FAT3: variants seen among roughly 807,000 people sequenced by gnomAD.
The protein encoded by FAT3 is FAT atypical cadherin 3.
FAT3 carries 95 observed loss-of-function variants against 310.2 expected under a neutral mutation model. That is an observed-to-expected ratio of 0.31 (90% CI 0.26 to 0.36). FAT3 has a LOEUF of 0.36. Ranked by LOEUF, FAT3 falls within the 10% of genes least tolerant of loss-of-function variation. The probability of loss-of-function intolerance (pLI) is 1.00; values close to 1 mark genes in which losing one functional copy is unlikely to be tolerated. For missense variants in FAT3, 5,408 were observed against 5,715.6 expected, an observed-to-expected ratio of 0.95 and a Z score of 1.74; for synonymous variants, 2,314 against 2,192.9, an observed-to-expected ratio of 1.06 and a Z score of -1.54.
At chr11:92,415,678 A>C (rs1288444831) in intron 2 of FAT3, among the ~76,000 whole-genome samples, 1 of 152,030 alleles carries the variant, frequency 6.6e-6, no homozygotes, top group African/African-American at 2.4e-5. Flanking sequence ...AGATGGTTCA[A>C]AGCATCTGAC....
chr11:92,859,300 C>A lies in FAT3; in HGVS notation c.11636C>A (p.Ala3879Glu), dbSNP rs1949063679. Residue 3879 changes from alanine (A) to glutamate (E), a missense_variant, in exon 21 of 28, where the codon GCA becomes GAA. Transcript: ENST00000525166. ...QSNGIIMYTR[A>E]NPCIILKIVD... ...AATGGGATTATAATGTACACCAGAG[C>A]AAATCCCTGCATAATTCTGAAGGTA... 1.2e-6 allele frequency: 2 copies of A among 1,606,930 alleles called. No individual in the cohort carries two copies. The highest frequency in any genetic ancestry group is 1.1e-5 in the South Asian group (1 of 89,968).
In FAT3 at chr11:92,353,376, A is replaced by G. The variant is rs1341842645; in HGVS notation, c.1264A>G (p.Ile422Val). 1.9e-6 allele frequency: 3 copies of G among 1,613,380 alleles called. No individual in the cohort carries two copies. The African/African-American group carries it at 4.0e-5, about 22-fold the overall frequency. ...TGGTGAGGATGCAGTGTACTTTAAA[A>G]TTAATCCTCGGTCGGGTCTGATTGT... Reference protein sequence around the residue: ...SPGEDAVYFKINPRSGLIVTA... With the variant: ...SPGEDAVYFKVNPRSGLIVTA... Residue 422 changes from isoleucine (I) to valine (V), a missense_variant, in exon 2 of 28, where the codon ATT (isoleucine) becomes GTT (valine). Physicochemically the swap from Ile to Val is conservative, Grantham distance 29 (BLOSUM62 3). Around this residue, in one of 5 missense-constraint regions of FAT3, gnomAD observed 4,588 missense variants for 4,809.8 expected, o/e 0.95. Coordinates refer to ENST00000525166, the MANE Select transcript of FAT3 (RefSeq NM_001367949.2).
chr11:92,651,841 T>C (rs1942390648), intron 3 of FAT3, among the ~76,000 whole-genome samples: 1 of 152,180 alleles, frequency 6.6e-6, no homozygotes, highest in African/African-American at 2.4e-5. Context: ...ATTCCCCAGC[T>C]CTTGAACTTC....
intron 9 of FAT3, among the ~76,000 whole-genome samples, chr11:92,796,255 T>TA (rs2136172440): frequency 6.6e-6 from 1 of 152,348 alleles, no homozygotes; most frequent in East Asian, 1.9e-4. Flanking sequence ...TTGAACTTTT[T>TA]ATTATTGTCA....
rs758587642 is a variant in FAT3, at chr11:92,412,702, G to GATATATATAT, written c.3292+57332_3292+57341dup. Among the ~76,000 whole-genome samples the GATATATATAT allele has an allele frequency of 7.3e-3, 98 of 13,382 alleles. 1 individual carries two copies. Among genetic ancestry groups the GATATATATAT allele is most frequent in the South Asian group, 0.013 (2 of 150 alleles). The allele number at this position is 13,382 out of a possible 152,430, so 8.8% of individuals were successfully genotyped here. ...GTAAAAGTCCAACTATGATGGTGGT[G>GATATATATAT]ATATATATATATATATATATATATA... is the stretch of plus-strand genomic sequence containing the variant. On this transcript the variant is annotated intron_variant, in intron 2 of 27. Coordinates refer to ENST00000525166, the MANE Select transcript of FAT3 (RefSeq NM_001367949.2).
intron 1 of FAT3, among the ~76,000 whole-genome samples, chr11:92,253,724 T>A (rs1263710383): frequency 6.6e-6 from 1 of 152,260 alleles, no homozygotes; most frequent in African/African-American, 2.4e-5. Flanking sequence ...TTAGTCAAAA[T>A]TGTGACTGTG....
intron 7 of FAT3, among the ~76,000 whole-genome samples, chr11:92,782,775 C>T (rs1946786565): frequency 6.6e-6 from 1 of 152,152 alleles, no homozygotes; most frequent in Admixed American, 6.5e-5. Context: ...TAAGGTTAGT[C>T]TTGACCTTCA....
intron 1 of FAT3, among the ~76,000 whole-genome samples, chr11:92,307,039 C>T (rs984422100): frequency 1.3e-5 from 2 of 151,278 alleles, no homozygotes; most frequent in Admixed American, 1.3e-4. Context: ...TCAAGTTATC[C>T]TCCAACCTCA....
chr11:92,505,554 TAA>T, intron 2 of FAT3, among the ~76,000 whole-genome samples: 1 of 152,276 alleles, frequency 6.6e-6, no homozygotes, highest in East Asian at 1.9e-4. Context: ...GTGAGTTGTG[TAA>T]AAAGACTGTG....
intron 4 of FAT3, among the ~76,000 whole-genome samples, chr11:92,734,210 G>T (rs530773027): frequency 3.3e-5 from 5 of 152,280 alleles, no homozygotes; most frequent in African/African-American, 1.2e-4. Flanking sequence ...CTGGAAAAAG[G>T]ATTGTCTCTG....
intron 3 of FAT3, among the ~76,000 whole-genome samples, chr11:92,677,807 A>G (rs942168991): frequency 7.9e-5 from 12 of 152,236 alleles, no homozygotes; most frequent in African/African-American, 2.9e-4. Flanking sequence ...CGATGCAATG[A>G]CAGAATGAAG....
intron 1 of FAT3, among the ~76,000 whole-genome samples, chr11:92,325,331 G>T (rs1947735197): frequency 6.6e-6 from 1 of 152,140 alleles, no homozygotes. Context: ...AGTGTAGAAA[G>T]CCCTTAGGTT....
intron 3 of FAT3, among the ~76,000 whole-genome samples, chr11:92,622,737 A>C (rs531744992): frequency 6.6e-6 from 1 of 152,204 alleles, no homozygotes; most frequent in Non-Finnish European, 1.5e-5. Context: ...TTGCACGGTC[A>C]CAGAGAGTTC....
At chr11:92,225,259 G>A (rs1277376734) in intron 1 of FAT3, among the ~76,000 whole-genome samples, 85 bp downstream of exon 1, 1 of 152,146 alleles carries the variant, frequency 6.6e-6, no homozygotes, top group East Asian at 1.9e-4. Flanking sequence ...TCAGCTGCTG[G>A]GTGCAAATGG....
chr11:92,383,412 T>G (rs535645105), intron 2 of FAT3, among the ~76,000 whole-genome samples: 29 of 152,248 alleles, frequency 1.9e-4, no homozygotes, highest in Non-Finnish European at 3.2e-4. Context: ...GTAGGTGATG[T>G]GCAGACCACA....
At chr11:92,508,931 A>G (rs1250182306) in intron 2 of FAT3, among the ~76,000 whole-genome samples, 2 of 152,144 alleles carry the variant, frequency 1.3e-5, no homozygotes, top group East Asian at 3.9e-4. Context: ...ATCCCACAAC[A>G]CTTTTCAAGG....
chr11:92,483,566 T>C (rs1952294091), intron 2 of FAT3, among the ~76,000 whole-genome samples: 1 of 152,070 alleles, frequency 6.6e-6, no homozygotes, highest in Non-Finnish European at 1.5e-5. Context: ...TCTGTGGGTA[T>C]GTATCCTATC....
In FAT3 at chr11:92,831,753, G is replaced by C. The variant is rs780817713; in HGVS notation, c.9613G>C (p.Val3205Leu). The C allele has an allele frequency of 1.2e-6, 2 of 1,613,286 alleles. No individual in the cohort carries two copies. Among genetic ancestry groups the C allele is most frequent in the Non-Finnish European group, 1.7e-6 (2 of 1,179,728 alleles). Reference protein sequence around the residue: ...REQQSSYNISVRATDQSPGQS... With the variant: ...REQQSSYNISLRATDQSPGQS... Reference sequence around the variant, plus strand: ...GCAGCAGTCTTCGTACAACATCAGCGTGCGGGCCACTGACCAGAGTCCTGG... The same window carrying C: ...GCAGCAGTCTTCGTACAACATCAGCCTGCGGGCCACTGACCAGAGTCCTGG... Residue 3205 changes from valine to leucine, a missense_variant, in exon 14 of 28, where the codon GTG becomes CTG. Physicochemically the swap from Val to Leu is conservative, Grantham distance 32. Around this residue, in one of 5 missense-constraint regions of FAT3, gnomAD observed 4,588 missense variants for 4,809.8 expected, o/e 0.95. Transcript: ENST00000525166.
At position 92,634,320 on chromosome 11, in the gene FAT3, T is replaced by G. The variant is rs146452957; in HGVS notation, c.3608-63064T>G. Reference sequence around the variant, plus strand: ...CTTTTGTTTTCTATTTCCCTATCTCTGAATCCTCATGGTCAGTAGAAAAAT... The same window carrying G: ...CTTTTGTTTTCTATTTCCCTATCTCGGAATCCTCATGGTCAGTAGAAAAAT... On this transcript the variant is annotated intron_variant, in intron 3 of 27. Coordinates refer to ENST00000525166, the MANE Select transcript of FAT3 (RefSeq NM_001367949.2). 2.8e-3 allele frequency among the ~76,000 whole-genome samples: 420 copies of G among 152,308 alleles called. 1 individual carries two copies. Among genetic ancestry groups the G allele is most frequent in the South Asian group, 7.3e-3 (35 of 4,822 alleles).
Sources: gnomAD v4.1 joint callset for allele counts (sites outside exome capture counted in the v4.1 genomes callset) on GRCh38, gnomAD v4.1.1 for gene constraint, gnomAD v4.1.1 regional missense constraint, MANE v1.5 for transcripts, NCBI Gene and HGNC (gene_info 2026-07-23, HGNC 2026-07-21) for gene names.